LRMDA: variants seen among roughly 807,000 people sequenced by gnomAD.
LRMDA encodes the protein leucine rich melanocyte differentiation associated.
Under a neutral mutation model 29.8 loss-of-function variants are expected in LRMDA, and 18 were observed. That is an observed-to-expected ratio of 0.60 (90% CI 0.42 to 0.90). The LOEUF is 0.90. Among genes scored for constraint, LRMDA ranks in the 40% least tolerant of loss-of-function variants. The pLI, the probability that LRMDA is intolerant of heterozygous loss-of-function variation, is 0.00. For synonymous variants in LRMDA, 125 were observed against 109.4 expected (o/e 1.14, Z -0.89); for missense variants, 273 against 273.9 (o/e 1.00, Z 0.02).
chr10:76,353,293 C>T (rs760267633), intron 6 of LRMDA, among the ~76,000 whole-genome samples: 1 of 151,162 alleles, frequency 6.6e-6, no homozygotes, highest in Non-Finnish European at 1.5e-5. Context: ...CATGCCAGGC[C>T]ATGTGCTGTC....
intron 5 of LRMDA, among the ~76,000 whole-genome samples, chr10:76,148,457 G>T (rs923170975): frequency 2.0e-5 from 3 of 152,150 alleles, no homozygotes; most frequent in African/African-American, 4.8e-5. Context: ...TGCTAGCAAT[G>T]AGCGACACAC....
intron 2 of LRMDA, among the ~76,000 whole-genome samples, chr10:75,821,406 A>G (rs1210298914): frequency 3.9e-5 from 6 of 152,236 alleles, no homozygotes; most frequent in African/African-American, 4.8e-5. Context: ...AGAATTGAAA[A>G]CAAAAATCAT....
chr10:76,097,967 GCATTGGGGAAATT>G (rs1490337330), intron 5 of LRMDA, among the ~76,000 whole-genome samples: 2 of 151,972 alleles, frequency 1.3e-5, no homozygotes, highest in Admixed American at 1.3e-4. Context: ...TCATTTCTTT[GCATTGGGGAAATT>G]CAATATCCTC....
chr10:75,764,641 G>A (rs1030255898), intron 2 of LRMDA, among the ~76,000 whole-genome samples: 1 of 152,174 alleles, frequency 6.6e-6, no homozygotes, highest in Non-Finnish European at 1.5e-5. Context: ...CAGGGCATCA[G>A]TAATCTTTGC....
intron 6 of LRMDA, among the ~76,000 whole-genome samples, chr10:76,428,582 A>G (rs985442004): frequency 2.6e-5 from 4 of 152,128 alleles, no homozygotes; most frequent in Non-Finnish European, 4.4e-5. Context: ...TTTTTCTTGG[A>G]TACTCCTTTC....
At chr10:76,226,383 G>C (rs950713632) in intron 5 of LRMDA, among the ~76,000 whole-genome samples, 1 of 151,986 alleles carries the variant, frequency 6.6e-6, no homozygotes, top group Non-Finnish European at 1.5e-5. Context: ...GGGAGTTCAA[G>C]ACCAGCCTGG....
chr10:76,412,027 A>G (rs974426035), intron 6 of LRMDA, among the ~76,000 whole-genome samples: 7 of 152,228 alleles, frequency 4.6e-5, no homozygotes, highest in African/African-American at 1.4e-4. Flanking sequence ...CTGTTTGCCA[A>G]TGGTTTAGTT....
Position 75,623,131 on chromosome 10 carries a change from G to C in LRMDA, c.131+184637G>C, listed in dbSNP as rs12164797. Among the ~76,000 whole-genome samples the C allele has an allele frequency of 2.0e-5, 3 of 152,276 alleles. No homozygotes were observed. In the South Asian group the frequency reaches 6.2e-4, roughly 32 times the overall value. On this transcript the variant is annotated intron_variant, in intron 2 of 6. Coordinates refer to ENST00000611255, the MANE Select transcript of LRMDA (RefSeq NM_001305581.2). ...AATTGTAAAGCAAACAGTGAGACTA[G>C]CAACTTTAAAGGGTAATTGTAATTT...
chr10:76,332,066 C>T (rs560828757), intron 6 of LRMDA, among the ~76,000 whole-genome samples: 3 of 152,318 alleles, frequency 2.0e-5, no homozygotes, highest in East Asian at 3.9e-4. Flanking sequence ...TCATCAAATT[C>T]ATCTCCTTGC....
intron 2 of LRMDA, among the ~76,000 whole-genome samples, chr10:75,894,186 T>C (rs556695495): frequency 3.8e-4 from 58 of 151,434 alleles, no homozygotes; most frequent in Middle Eastern, 3.2e-3. Flanking sequence ...CCCCTCCCAC[T>C]CTTCCCCCCA....
intron 5 of LRMDA, among the ~76,000 whole-genome samples, chr10:76,273,187 A>G (rs1234180353): frequency 6.6e-6 from 1 of 152,124 alleles, no homozygotes; most frequent in Non-Finnish European, 1.5e-5. Flanking sequence ...AAACATCTCC[A>G]CATGTATCCC....
chr10:76,522,144 TGTG>T (rs1843127699), intron 6 of LRMDA, among the ~76,000 whole-genome samples: 1 of 152,206 alleles, frequency 6.6e-6, no homozygotes, highest in Non-Finnish European at 1.5e-5. Context: ...TCAATAAACA[TGTG>T]TATATTGAGT....
chr10:75,618,122 C>T (rs1841128133), intron 2 of LRMDA, among the ~76,000 whole-genome samples: 2 of 152,140 alleles, frequency 1.3e-5, no homozygotes, highest in South Asian at 4.1e-4. Flanking sequence ...TCTTATGATG[C>T]AGTTCACCTG....
intron 2 of LRMDA, among the ~76,000 whole-genome samples, chr10:75,469,289 T>C (rs868012299): frequency 7.7e-6 from 1 of 130,508 alleles, no homozygotes; most frequent in Non-Finnish European, 1.8e-5. Flanking sequence ...CATGTTGCAA[T>C]AAAGAAACAG....
At chr10:76,153,757 G>T (rs1214832898) in intron 5 of LRMDA, among the ~76,000 whole-genome samples, 3 of 152,224 alleles carry the variant, frequency 2.0e-5, no homozygotes, top group Non-Finnish European at 2.9e-5. Flanking sequence ...TAGGGGTGCA[G>T]TCCTGGGATA....
intron 5 of LRMDA, among the ~76,000 whole-genome samples, chr10:76,262,762 A>C (rs533396369): frequency 2.7e-4 from 41 of 152,188 alleles, no homozygotes; most frequent in Non-Finnish European, 5.0e-4. Flanking sequence ...TCCCCAAAGC[A>C]AACCCTCTTG....
At chr10:75,754,452 A>C (rs893057814) in intron 2 of LRMDA, among the ~76,000 whole-genome samples, 2 of 152,260 alleles carry the variant, frequency 1.3e-5, no homozygotes, top group African/African-American at 4.8e-5. Context: ...CCAGCATATA[A>C]TACAAGTTGC....
chr10:75,804,143 C>T (rs1843807097), intron 2 of LRMDA, among the ~76,000 whole-genome samples: 1 of 152,198 alleles, frequency 6.6e-6, no homozygotes, highest in Non-Finnish European at 1.5e-5. Flanking sequence ...TGTTTCCTTT[C>T]CACCATTCAT....
At chr10:76,532,090 A>T (rs992712759) in intron 6 of LRMDA, among the ~76,000 whole-genome samples, 2 of 152,064 alleles carry the variant, frequency 1.3e-5, no homozygotes, top group African/African-American at 4.8e-5. Flanking sequence ...GGTTTGTTAC[A>T]TAGGTATACG....
Sources: allele counts gnomAD v4.1 joint callset (sites outside exome capture counted in the v4.1 genomes callset), GRCh38; gene constraint gnomAD v4.1.1; transcripts MANE v1.5; gene names NCBI Gene and HGNC (gene_info 2026-07-23, HGNC 2026-07-21).